UNK: variants seen among roughly 807,000 people sequenced by gnomAD.
The protein encoded by UNK is unk zinc finger.
A neutral mutation model predicts 97.6 loss-of-function variants in UNK; 32 were observed. The ratio of observed to expected loss-of-function variants is 0.33; its 90% CI spans 0.25 to 0.44. UNK has a LOEUF of 0.44. Ranked by LOEUF, UNK falls within the 20% of genes least tolerant of loss-of-function variation. UNK has a pLI of 1.00. For synonymous variants in UNK, 441 were observed against 461.2 expected, an observed-to-expected ratio of 0.96 and a Z score of 0.56; for missense variants, 771 against 1,098.4, an observed-to-expected ratio of 0.70 and a Z score of 4.21.
At position 75,794,325 on chromosome 17, in the gene UNK, T is replaced by TTC. The variant is rs1249962897; in HGVS notation, c.104+9341_104+9342insTC. 8.4e-6 allele frequency: 3 copies of TTC among 358,042 alleles called. No individual in the cohort carries two copies. The Admixed American group carries it at 1.9e-4, about 23-fold the overall frequency. 22.2% of individuals were successfully genotyped at this position (358,042 alleles called of 1,614,324 possible). A position where few individuals can be genotyped will look rare whatever the true frequency, so the allele number is the denominator to read the frequency against. On this transcript the variant is annotated intron_variant, in intron 1 of 15. Transcript: ENST00000589666. ...GCTTATTTGCTACTACTGTTGTTTTTCCTTTAGCTCAGTTAAGAAATGTTT... is the reference window on the plus strand; with the variant it reads ...GCTTATTTGCTACTACTGTTGTTTTTTCCCTTTAGCTCAGTTAAGAAATGTTT...
In UNK at chr17:75,819,628, T is replaced by G; in HGVS notation, c.1547-56T>G. On this transcript the variant is annotated intron_variant, in intron 11 of 15. Coordinates refer to ENST00000589666, the MANE Select transcript of UNK (RefSeq NM_001080419.3). The surrounding 1 kb of genome is among the most constrained non-coding windows in gnomAD (Gnocchi z 5.4). The stretch of plus-strand genomic sequence containing the variant: ...GATGCAGCGTGGGCAGTAGACGAGG[T>G]GGTCAGGGTCAGATAGTCCCTCGGG... 6.5e-7 allele frequency: 1 copy of G among 1,532,456 alleles called. No individual in the cohort carries two copies. The highest frequency in any genetic ancestry group is 9.0e-7 in the Non-Finnish European group (1 of 1,106,746). The allele number at this position is 1,532,456 out of a possible 1,614,324, so 94.9% of individuals were successfully genotyped here.
chr17:75,807,790 G>A (rs1368853791), intron 1 of UNK, among the ~76,000 whole-genome samples: 1 of 151,888 alleles, frequency 6.6e-6, no homozygotes, highest in East Asian at 1.9e-4. Flanking sequence ...GGTTTCAGCA[G>A]TTTGGCCAGT....
chr17:75,823,177 C>A (rs1254922707), intron 14 of UNK, 88 bp from the exon 15 acceptor site: 2 of 1,499,374 alleles, frequency 1.3e-6, no homozygotes, highest in African/African-American at 1.4e-5. Flanking sequence ...CCAGGCCTCG[C>A]AGCCAGAGTG....
Position 75,819,913 on chromosome 17 carries a change from C to T in UNK, c.1649-7C>T. ...CCCAGCCCGTCCTCCCCGGGCCTCT[C>T]TTGCAGGCGGCAGCTTGCTGCAGAG... is the stretch of plus-strand genomic sequence containing the variant. On this transcript the variant is annotated splice_polypyrimidine_tract_variant and splice_region_variant and intron_variant, in intron 12 of 15. Coordinates refer to ENST00000589666, the MANE Select transcript of UNK (RefSeq NM_001080419.3). The surrounding 1 kb of genome is among the most constrained non-coding windows in gnomAD (Gnocchi z 5.4). The T allele has an allele frequency of 6.2e-7, 1 of 1,606,390 alleles. No homozygotes were observed. The highest frequency in any genetic ancestry group is 1.3e-5 in the African/African-American group (1 of 74,912).
intron 4 of UNK, among the ~76,000 whole-genome samples, chr17:75,812,804 G>A (rs79625729): frequency 0.013 from 2,049 of 152,370 alleles, 26 homozygotes; most frequent in Non-Finnish European, 0.021. Context: ...GCACAGGCAC[G>A]TACATAAGCG....
In UNK at chr17:75,819,858, G is replaced by A; in HGVS notation, c.1649-62G>A. 1 of 1,605,754 alleles carries A rather than the reference G, an allele frequency of 6.2e-7. No homozygotes were observed. The highest frequency in any genetic ancestry group is 1.1e-5 in the South Asian group (1 of 90,486). On this transcript the variant is annotated intron_variant, in intron 12 of 15. Transcript: ENST00000589666. The surrounding 1 kb of genome is among the most constrained non-coding windows in gnomAD (Gnocchi z 5.4). Reference sequence around the variant, plus strand: ...CTGCCTGGCTCAGGCCCCTTGCTCTGTGTGGCCCGCCTGGCTTCCGCTGCC... The same window carrying A: ...CTGCCTGGCTCAGGCCCCTTGCTCTATGTGGCCCGCCTGGCTTCCGCTGCC...
At chr17:75,806,238 A>G (rs1321231238) in intron 1 of UNK, among the ~76,000 whole-genome samples, 2 of 151,834 alleles carry the variant, frequency 1.3e-5, no homozygotes, top group Admixed American at 1.3e-4. Context: ...GGCGGATCGC[A>G]AGTTCAGGAG....
chr17:75,797,423 T>C (rs35757209), intron 1 of UNK, among the ~76,000 whole-genome samples: 77,363 of 152,148 alleles, frequency 0.51, 23,682 homozygotes, highest in South Asian at 0.66. Flanking sequence ...TTAGTAGAGA[T>C]GGGGTTTCCC....
rs1358916484 is a variant in UNK at position 75,818,547 on chromosome 17, G to A, written c.1372-95G>A. The A allele has an allele frequency of 5.0e-6, 7 of 1,391,108 alleles. No individual in the cohort carries two copies. The highest frequency in any genetic ancestry group is 2.4e-5 in the Admixed American group (1 of 42,340). The allele number at this position is 1,391,108 out of a possible 1,614,324, so 86.2% of individuals were successfully genotyped here. A position where few individuals can be genotyped will look rare whatever the true frequency, so the allele number is the denominator to read the frequency against. ...GGCACCCGGACTAGAGCTAGCACGGGCCATTTCCCTTGCCCCCAGCCCCTC... is the reference window on the plus strand; with the variant it reads ...GGCACCCGGACTAGAGCTAGCACGGACCATTTCCCTTGCCCCCAGCCCCTC... On this transcript the variant is annotated intron_variant, in intron 10 of 15. Coordinates refer to ENST00000589666, the MANE Select transcript of UNK (RefSeq NM_001080419.3). This position sits in a 1 kb window ranked among gnomAD's most constrained non-coding sequence, Gnocchi z 5.1.
At position 75,825,565 on chromosome 17, in the gene UNK, G is replaced by C. The variant is rs2062112374; in HGVS notation, c.*1148G>C. The C allele has an allele frequency of 6.6e-6, 1 of 152,602 alleles. No individual in the cohort carries two copies. The highest frequency in any genetic ancestry group is 1.5e-5 in the Non-Finnish European group (1 of 68,240). 9.5% of individuals were successfully genotyped at this position (152,602 alleles called of 1,614,324 possible). A position where few individuals can be genotyped will look rare whatever the true frequency, so the allele number is the denominator to read the frequency against. On this transcript the variant is annotated 3_prime_UTR_variant, in exon 16 of 16. Coordinates refer to ENST00000589666, the MANE Select transcript of UNK (RefSeq NM_001080419.3). This position sits in a 1 kb window ranked among gnomAD's most constrained non-coding sequence, Gnocchi z 4.4. Reference sequence around the variant, plus strand: ...TTTTAAAAATTGTTCTGTACAGAGAGAGATGCAGCAGGGGCGGGAGGGCAG... The same window carrying C: ...TTTTAAAAATTGTTCTGTACAGAGACAGATGCAGCAGGGGCGGGAGGGCAG...
chr17:75,790,617 C>T (rs2061755304), intron 1 of UNK, among the ~76,000 whole-genome samples: 1 of 151,976 alleles, frequency 6.6e-6, no homozygotes, highest in Non-Finnish European at 1.5e-5. Flanking sequence ...GGTGACAGAG[C>T]AAGACCCTAT....
At chr17:75,788,354 A>G (rs2061732404) in intron 1 of UNK, among the ~76,000 whole-genome samples, 1 of 151,990 alleles carries the variant, frequency 6.6e-6, no homozygotes, top group African/African-American at 2.4e-5. Context: ...TAATTTTTGT[A>G]TTTTTAGTAG....
chr17:75,793,132 A>G (rs757783563), intron 1 of UNK, among the ~76,000 whole-genome samples: 14 of 152,246 alleles, frequency 9.2e-5, no homozygotes, highest in Non-Finnish European at 1.2e-4. Context: ...CCTTGTCTCC[A>G]ACTTGATAGC....
intron 1 of UNK, among the ~76,000 whole-genome samples, chr17:75,807,069 C>T (rs7214701): frequency 0.11 from 17,258 of 152,212 alleles, 1,923 homozygotes; most frequent in East Asian, 0.38. Context: ...CAGGTCTAGC[C>T]CCTGTCCTCG....
At position 75,820,141 on chromosome 17, in the gene UNK, G is replaced by A. The variant is rs765797822; in HGVS notation, c.1837+33G>A. ...AGGGAGTGGTTCACTCAGGAGAACT[G>A]GGGCAGGAACCTGCGCCTTTAGGAG... is the stretch of plus-strand genomic sequence containing the variant. On this transcript the variant is annotated intron_variant, in intron 13 of 15. Transcript: ENST00000589666. The A allele has an allele frequency of 3.2e-6, 5 of 1,581,636 alleles. No individual in the cohort carries two copies. The South Asian group carries it at 3.5e-5, about 11-fold the overall frequency.
intron 14 of UNK, among the ~76,000 whole-genome samples, 153 bp downstream of exon 14, chr17:75,822,811 G>T (rs1383941036): frequency 3.3e-5 from 5 of 152,262 alleles, no homozygotes; most frequent in Non-Finnish European, 5.9e-5. Flanking sequence ...CCCCTGGGAG[G>T]ACTCGCTTTG....
At position 75,818,135 on chromosome 17, in the gene UNK, G is replaced by A; in HGVS notation, c.1338G>A (p.Arg446=). ...AKLKPHSLEP[R]SQEQPLLQPK... Reference sequence around the variant, plus strand: ...TAAAACCCCACTCATTAGAGCCCAGGAGTCAAGAGCAGCCTCTGCTTCAGC... The same window carrying A: ...TAAAACCCCACTCATTAGAGCCCAGAAGTCAAGAGCAGCCTCTGCTTCAGC... Residue 446 remains arginine, a synonymous_variant, in exon 10 of 16, where the codon AGG becomes AGA. Coordinates refer to ENST00000589666, the MANE Select transcript of UNK (RefSeq NM_001080419.3). This position sits in a 1 kb window ranked among gnomAD's most constrained non-coding sequence, Gnocchi z 5.1. 6.2e-7 allele frequency: 1 copy of A among 1,613,462 alleles called. No homozygotes were observed. The highest frequency in any genetic ancestry group is 8.5e-7 in the Non-Finnish European group (1 of 1,179,766).
intron 1 of UNK, among the ~76,000 whole-genome samples, chr17:75,791,337 G>A (rs1450215461): frequency 6.6e-6 from 1 of 152,164 alleles, no homozygotes; most frequent in Non-Finnish European, 1.5e-5. Flanking sequence ...TATGTATTAC[G>A]TAAATGTCAT....
intron 6 of UNK, 108 bp downstream of exon 6, chr17:75,813,986 G>A (rs2061994003): frequency 1.0e-6 from 1 of 993,868 alleles, no homozygotes; most frequent in Non-Finnish European, 1.4e-6. Flanking sequence ...CCTGGAAGAG[G>A]GACTTGTGGC....
Sources: gnomAD v4.1 joint callset for allele counts (sites outside exome capture counted in the v4.1 genomes callset) on GRCh38, gnomAD v4.1.1 for gene constraint, Gnocchi (gnomAD v3.1) non-coding constraint, MANE v1.5 for transcripts, NCBI Gene and HGNC (gene_info 2026-07-23, HGNC 2026-07-21) for gene names.